The following ASIP variants were observed in gnomAD, a reference collection of about 807,000 sequenced individuals.
ASIP encodes agouti signaling protein.
In ASIP, 11 loss-of-function variants were observed where a neutral mutation model predicts 10.3. That is an observed-to-expected ratio of 1.07 (90% CI 0.68 to 1.78). ASIP has a LOEUF of 1.78. ASIP is among the 40% of genes most tolerant of loss of function. The pLI, the probability that ASIP is intolerant of heterozygous loss-of-function variation, is 0.00. For missense variants in ASIP, 180 were observed against 169.2 expected, an observed-to-expected ratio of 1.06 and a Z score of -0.35; for synonymous variants, 70 against 70.8, an observed-to-expected ratio of 0.99 and a Z score of 0.06.
intron 3 of ASIP, among the ~76,000 whole-genome samples, chr20:34,263,501 G>T (rs529730630): frequency 2.9e-4 from 44 of 152,164 alleles, no homozygotes; most frequent in African/African-American, 1.0e-3. Flanking sequence ...GGAGGTGGAG[G>T]TTGCAGTGAG....
chr20:34,240,842 C>T (rs1232607991), upstream of ASIP, among the ~76,000 whole-genome samples: 4 of 152,148 alleles, frequency 2.6e-5, no homozygotes, highest in African/African-American at 9.7e-5. Flanking sequence ...ACCTCAATGT[C>T]AACATCAATT....
At chr20:34,243,629 T>C (rs1037197079) in intron 1 of ASIP, among the ~76,000 whole-genome samples, 3 of 152,016 alleles carry the variant, frequency 2.0e-5, no homozygotes, top group Non-Finnish European at 4.4e-5. Flanking sequence ...ATGTAACACA[T>C]ACCAGATAGT....
intron 1 of ASIP, among the ~76,000 whole-genome samples, chr20:34,243,773 A>C (rs1260707768): frequency 1.3e-5 from 2 of 151,924 alleles, no homozygotes; most frequent in South Asian, 2.1e-4. Context: ...AAAAAAAAAA[A>C]AAACTGTCTC....
chr20:34,189,016 T>C, the ASIP span, among the ~76,000 whole-genome samples: 1 of 152,212 alleles, frequency 6.6e-6, no homozygotes, highest in Admixed American at 6.5e-5. Context: ...AAAGACAGGA[T>C]AATATATTTG....
chr20:34,196,104 A>C (rs2034854186), intron 1 of ASIP, among the ~76,000 whole-genome samples: 1 of 152,130 alleles, frequency 6.6e-6, no homozygotes, highest in Non-Finnish European at 1.5e-5. Flanking sequence ...CGGAGAAATA[A>C]AAGGAGCCAA....
intron 1 of ASIP, 96 bp downstream of exon 1, chr20:34,241,585 G>C (rs540252077): frequency 1.0e-6 from 1 of 967,358 alleles, no homozygotes; most frequent in Non-Finnish European, 1.2e-6. Flanking sequence ...TCCTTTCTTG[G>C]AAAGTTAAAC....
chr20:34,201,287 TC>T (rs1428175452), intron 1 of ASIP, among the ~76,000 whole-genome samples: 1 of 152,122 alleles, frequency 6.6e-6, no homozygotes, highest in African/African-American at 2.4e-5. Flanking sequence ...CCTTATGAAC[TC>T]CTTGCCTGAT....
rs200932389 is a variant in ASIP, at chr20:34,235,928, AAGCG to A, written c.-10-24436_-10-24433del. Among the ~76,000 whole-genome samples the A allele has an allele frequency of 9.5e-4, 86 of 90,874 alleles. 18 individuals are homozygous for A. The African/African-American group carries it at 0.011, about 12-fold the overall frequency. The allele number at this position is 90,874 out of a possible 152,430, so 59.6% of individuals were successfully genotyped here. ...GAAGGAAGGAAGGAAGGAAGGAAGG[AAGCG>A]GGAGGGAGGGAAGAAGGAAGGAAGG... On this transcript the variant is annotated intron_variant, in intron 1 of 3. Coordinates refer to the ASIP transcript ENST00000568305.
In ASIP at chr20:34,204,015, C is replaced by T. The variant is rs184059376; in HGVS notation, c.-11+9255C>T. ...CTGGGATTACAGGCGTGAGCCACCA[C>T]GCCCGGCCATAAATGGCATATTTTA... On this transcript the variant is annotated intron_variant, in intron 1 of 3. Coordinates refer to the ASIP transcript ENST00000568305. Among the ~76,000 whole-genome samples, 26 of 152,310 alleles carry T rather than the reference C, an allele frequency of 1.7e-4. 1 individual carries two copies. The highest frequency in any genetic ancestry group is 7.8e-4 in the Admixed American group (12 of 15,298).
intron 1 of ASIP, among the ~76,000 whole-genome samples, chr20:34,225,848 C>A (rs1435266248): frequency 6.6e-6 from 1 of 151,618 alleles, no homozygotes; most frequent in Non-Finnish European, 1.5e-5. Context: ...TATACAAAAA[C>A]CACTGATTTT....
intron 1 of ASIP, among the ~76,000 whole-genome samples, chr20:34,256,082 G>A (rs1307728880): frequency 6.6e-6 from 1 of 152,246 alleles, no homozygotes; most frequent in African/African-American, 2.4e-5. Flanking sequence ...CTAGAGAGTG[G>A]TAGCAGAATT....
At chr20:34,199,310 T>C (rs1386271442) in intron 1 of ASIP, among the ~76,000 whole-genome samples, 3 of 152,192 alleles carry the variant, frequency 2.0e-5, no homozygotes, top group Non-Finnish European at 4.4e-5. Flanking sequence ...CTTTTTTTTT[T>C]TAAAGAACAT....
intron 1 of ASIP, chr20:34,245,814 C>T (rs1030012798): frequency 1.4e-5 from 11 of 783,312 alleles, no homozygotes; most frequent in Admixed American, 5.8e-5. Flanking sequence ...ATGCCAAGGA[C>T]GAGGGCAGTC....
chr20:34,200,096 G>A (rs935530986), intron 1 of ASIP, among the ~76,000 whole-genome samples: 3 of 152,128 alleles, frequency 2.0e-5, no homozygotes, highest in Non-Finnish European at 4.4e-5. Flanking sequence ...TAAGATTAGT[G>A]CCTTTTCATT....
intron 1 of ASIP, among the ~76,000 whole-genome samples, chr20:34,201,009 CTTCCTTCCTTCTTTCTTTCT>C (rs1316270686): frequency 1.7e-5 from 1 of 59,998 alleles, no homozygotes. Context: ...TCCTTCCTTC[CTTCCTTCCTTCTTTCTTTCT>C]TTCTTTCTTT....
upstream of ASIP, among the ~76,000 whole-genome samples, chr20:34,238,095 A>C (rs779036199): frequency 3.3e-5 from 5 of 152,154 alleles, no homozygotes; most frequent in Non-Finnish European, 5.9e-5. Flanking sequence ...TTGGCTTTCA[A>C]AAGTTTGATT....
chr20:34,218,959 G>T (rs1035475307), intron 1 of ASIP, among the ~76,000 whole-genome samples: 1 of 151,982 alleles, frequency 6.6e-6, no homozygotes, highest in African/African-American at 2.4e-5. Flanking sequence ...CACCACGCCT[G>T]GCCCCTTTTC....
chr20:34,207,310 A>C (rs1381349931), intron 1 of ASIP, among the ~76,000 whole-genome samples: 1 of 152,210 alleles, frequency 6.6e-6, no homozygotes, highest in Non-Finnish European at 1.5e-5. Context: ...AGTGATATTG[A>C]CTATTTACTC....
intron 1 of ASIP, among the ~76,000 whole-genome samples, chr20:34,222,286 A>T (rs1331576023): frequency 2.0e-5 from 3 of 152,084 alleles, no homozygotes; most frequent in African/African-American, 4.8e-5. Flanking sequence ...AATTAAAAAA[A>T]AAAAGGCTAC....
Sources: gnomAD v4.1 joint callset for allele counts (sites outside exome capture counted in the v4.1 genomes callset) on GRCh38, gnomAD v4.1.1 for gene constraint, MANE v1.5 for transcripts, NCBI Gene and HGNC (gene_info 2026-07-23, HGNC 2026-07-21) for gene names.